EYA4: variants seen among roughly 807,000 people sequenced by gnomAD.
The protein encoded by EYA4 is protein phosphatase EYA4.
A neutral mutation model predicts 87.9 loss-of-function variants in EYA4; 31 were observed. The observed-to-expected ratio is 0.35, with a 90% CI of 0.27 to 0.48. The LOEUF is 0.48. Among genes scored for constraint, EYA4 ranks in the 20% least tolerant of loss-of-function variants. The pLI, the probability that EYA4 is intolerant of heterozygous loss-of-function variation, is 0.99. For synonymous variants in EYA4, 263 were observed against 270.6 expected (o/e 0.97, Z 0.28); for missense variants, 678 against 761.4 (o/e 0.89, Z 1.29).
At chr6:133,453,433 A>G (rs1400419585) in intron 5 of EYA4, among the ~76,000 whole-genome samples, 2 of 152,070 alleles carry the variant, frequency 1.3e-5, no homozygotes, top group Non-Finnish European at 2.9e-5. Context: ...TATAAATATC[A>G]AGATAATACT....
intron 2 of EYA4, among the ~76,000 whole-genome samples, chr6:133,313,439 G>A (rs1050948762): frequency 6.6e-6 from 1 of 151,902 alleles, no homozygotes; most frequent in African/African-American, 2.4e-5. Flanking sequence ...TTTATTTTGG[G>A]GAAAAATCAT....
In EYA4 at chr6:133,530,351, G is replaced by A. The variant is rs1261104356; in HGVS notation, c.*1546G>A. On this transcript the variant is annotated 3_prime_UTR_variant, in exon 20 of 20. Coordinates refer to ENST00000355286, the MANE Select transcript of EYA4 (RefSeq NM_004100.5). ...GTGTTTGCATGGTTTTTTTCCTTGT[G>A]TGTAGCCCATGTTGGGAACACGATA... is the stretch of plus-strand genomic sequence containing the variant. The A allele has an allele frequency of 2.0e-6, 2 of 985,260 alleles. No homozygotes were observed. The highest frequency in any genetic ancestry group is 2.4e-6 in the Non-Finnish European group (2 of 829,928). The allele number at this position is 985,260 out of a possible 1,614,324, so 61.0% of individuals were successfully genotyped here.
chr6:133,479,691 A>G (rs2128703330), intron 11 of EYA4, among the ~76,000 whole-genome samples: 1 of 152,338 alleles, frequency 6.6e-6, no homozygotes, highest in African/African-American at 2.4e-5. Context: ...GTCACTTTAT[A>G]CATATAATTT....
intron 2 of EYA4, among the ~76,000 whole-genome samples, chr6:133,317,126 T>C (rs192046056): frequency 7.9e-5 from 12 of 152,314 alleles, no homozygotes; most frequent in Admixed American, 7.8e-4. Context: ...TGCTCAAAAC[T>C]GTACAGCTCC....
chr6:133,284,466 A>G (rs1279937162), intron 2 of EYA4, among the ~76,000 whole-genome samples: 1 of 152,150 alleles, frequency 6.6e-6, no homozygotes, highest in Non-Finnish European at 1.5e-5. Flanking sequence ...GAGCCACCGC[A>G]CCTGACCCTA....
chr6:133,462,020 G>A (rs1021254767), intron 7 of EYA4: 3 of 389,740 alleles, frequency 7.7e-6, no homozygotes, highest in Non-Finnish European at 1.5e-5. Context: ...GTATTAACTG[G>A]AGTGCTATTT....
intron 2 of EYA4, among the ~76,000 whole-genome samples, chr6:133,351,395 T>C (rs1210114794): frequency 6.6e-6 from 1 of 152,186 alleles, no homozygotes; most frequent in Non-Finnish European, 1.5e-5. Context: ...GTATATGCAG[T>C]TCAGTCTTTA....
upstream of EYA4, chr6:133,241,297 C>G (rs1214468654): frequency 6.6e-6 from 1 of 152,106 alleles, no homozygotes; most frequent in Non-Finnish European, 1.5e-5. Flanking sequence ...CCCCACCTCC[C>G]TGCGCAAGTG....
intron 5 of EYA4, among the ~76,000 whole-genome samples, chr6:133,455,871 C>A (rs556556488): frequency 6.6e-6 from 1 of 152,118 alleles, no homozygotes; most frequent in South Asian, 2.1e-4. Context: ...CACTTTGTTA[C>A]CAAGCAAAGA....
intron 9 of EYA4, among the ~76,000 whole-genome samples, chr6:133,464,287 A>G (rs1256814010): frequency 1.3e-5 from 2 of 152,128 alleles, no homozygotes; most frequent in African/African-American, 2.4e-5. Flanking sequence ...ATTCACAGCT[A>G]TTTTTGTTCT....
chr6:133,490,080 A>G (rs993012607), intron 13 of EYA4, among the ~76,000 whole-genome samples: 1 of 152,206 alleles, frequency 6.6e-6, no homozygotes, highest in African/African-American at 2.4e-5. Flanking sequence ...TTGTTGGTTT[A>G]TGCAATCAGT....
chr6:133,267,387 CT>C (rs1052464399), intron 1 of EYA4, among the ~76,000 whole-genome samples: 42 of 146,506 alleles, frequency 2.9e-4, no homozygotes, highest in East Asian at 4.0e-4. Flanking sequence ...CACTTTTCCA[CT>C]TTTTTTTTTT....
chr6:133,369,966 C>T (rs1430742234), intron 2 of EYA4, among the ~76,000 whole-genome samples: 1 of 152,130 alleles, frequency 6.6e-6, no homozygotes, highest in Non-Finnish European at 1.5e-5. Flanking sequence ...AGTCATCTTA[C>T]TATAAACAGA....
chr6:133,426,598 G>T (rs1562406564), intron 3 of EYA4, among the ~76,000 whole-genome samples: 1 of 152,110 alleles, frequency 6.6e-6, no homozygotes, highest in African/African-American at 2.4e-5. Context: ...TTCCCCATTA[G>T]ATTCCACTGC....
chr6:133,426,461 T>C (rs577890981), intron 3 of EYA4, among the ~76,000 whole-genome samples: 1 of 152,328 alleles, frequency 6.6e-6, no homozygotes, highest in African/African-American at 2.4e-5. Context: ...TCAAAAACCA[T>C]TTAACTTTCT....
chr6:133,520,188 T>C (rs942427750), intron 17 of EYA4, among the ~76,000 whole-genome samples: 1 of 151,844 alleles, frequency 6.6e-6, no homozygotes, highest in African/African-American at 2.4e-5. Flanking sequence ...AAAGAGGAAG[T>C]CAAATTGTCC....
intron 13 of EYA4, chr6:133,502,370 T>G (rs1234410240): frequency 6.6e-6 from 1 of 152,104 alleles, no homozygotes; most frequent in Non-Finnish European, 1.5e-5. Context: ...AAAAAGCAAC[T>G]CTTGATTCAT....
Position 133,274,791 on chromosome 6 carries a change from C to T in EYA4, c.11C>T (p.Ser4Phe). MED[S>F]QDLNEQSVKK... ...AAGTGAGAAAACCACATGGAAGACT[C>T]CCAGGATTTAAATGAACAATCAGTA... Residue 4 changes from serine (S) to phenylalanine (F), a missense_variant, in exon 2 of 20, where the codon TCC becomes TTC. Transcript: ENST00000355286. 6.2e-7 allele frequency: 1 copy of T among 1,613,568 alleles called. No homozygotes were observed. Among genetic ancestry groups the T allele is most frequent in the South Asian group, 1.1e-5 (1 of 91,066 alleles).
chr6:133,392,934 T>G (rs2128498184), intron 3 of EYA4, among the ~76,000 whole-genome samples: 1 of 152,276 alleles, frequency 6.6e-6, no homozygotes, highest in Admixed American at 6.5e-5. Context: ...GCTGCTTGAG[T>G]TAATTTGGTC....
Sources: gnomAD v4.1 joint callset for allele counts (sites outside exome capture counted in the v4.1 genomes callset) on GRCh38, gnomAD v4.1.1 for gene constraint, MANE v1.5 for transcripts, NCBI Gene and HGNC (gene_info 2026-07-23, HGNC 2026-07-21) for gene names.